The following INO80D variants were observed in gnomAD, a reference collection of about 807,000 sequenced individuals.
INO80D encodes INO80 complex subunit D.
INO80D carries 21 observed loss-of-function variants against 87.6 expected under a neutral mutation model. The observed-to-expected ratio is 0.24, with a 90% CI of 0.17 to 0.35. The LOEUF (loss-of-function observed/expected upper bound fraction) is 0.35, where lower values mean the gene tolerates loss of function less well. Ranked by LOEUF, INO80D falls within the 10% of genes least tolerant of loss-of-function variation. INO80D has a pLI of 1.00. For missense variants in INO80D, 982 were observed against 1,280.7 expected (o/e 0.77, Z 3.56); for synonymous variants, 440 against 491.0 (o/e 0.90, Z 1.37).
At position 206,002,716 on chromosome 2, in the gene INO80D, T is replaced by A. The variant is rs1314317199; in HGVS notation, c.*1652A>T. The stretch of plus-strand genomic sequence containing the variant: ...GCATAAAGAGATTACATACAGGAAG[T>A]AGGAAAATACATCCAATCACTACCT... On this transcript the variant is annotated 3_prime_UTR_variant, in exon 11 of 11. Coordinates refer to ENST00000403263, the MANE Select transcript of INO80D (RefSeq NM_017759.5). The A allele has an allele frequency of 1.3e-5, 2 of 152,130 alleles. No homozygotes were observed. Among genetic ancestry groups the A allele is most frequent in the Non-Finnish European group, 2.9e-5 (2 of 68,010 alleles). 9.4% of individuals were successfully genotyped at this position (152,130 alleles called of 1,614,324 possible).
At chr2:206,070,995 T>C (rs372012193) in intron 1 of INO80D, among the ~76,000 whole-genome samples, 3 of 151,828 alleles carry the variant, frequency 2.0e-5, no homozygotes, top group East Asian at 3.9e-4. Context: ...TTCACTCTTG[T>C]TGCCCAGGCT....
chr2:206,035,213 T>C (rs1688861368), intron 5 of INO80D, among the ~76,000 whole-genome samples: 1 of 151,760 alleles, frequency 6.6e-6, no homozygotes. Context: ...AAATACCACC[T>C]CATTCTTCAC....
chr2:206,073,866 T>G (rs1040011033), intron 1 of INO80D, among the ~76,000 whole-genome samples: 10 of 152,082 alleles, frequency 6.6e-5, no homozygotes, highest in African/African-American at 1.7e-4. Flanking sequence ...AGCACTATCT[T>G]TTTTTGTTTT....
chr2:206,078,352 G>A (rs912001345), intron 1 of INO80D, among the ~76,000 whole-genome samples: 2 of 152,124 alleles, frequency 1.3e-5, no homozygotes, highest in Admixed American at 1.3e-4. Context: ...GGGTGGTGGA[G>A]ATTGCAGTGA....
At chr2:206,016,073 C>G (rs1688311056) in intron 8 of INO80D, among the ~76,000 whole-genome samples, 3 of 152,064 alleles carry the variant, frequency 2.0e-5, no homozygotes. Flanking sequence ...TCCTCCAGAC[C>G]CCAGAATGGT....
Position 206,005,519 on chromosome 2 carries a change from G to C in INO80D, c.1933C>G (p.Leu645Val). The C allele has an allele frequency of 6.2e-7, 1 of 1,611,266 alleles. No individual in the cohort carries two copies. The highest frequency in any genetic ancestry group is 2.2e-5 in the East Asian group (1 of 44,860). Residue 645 changes from leucine to valine, a missense_variant, in exon 11 of 11, where the codon CTC becomes GTC. Transcript: ENST00000403263. Reference sequence around the variant, plus strand: ...TCAGCCTCTTCGGTAGTTGGGAGGAGGTCTCCATTCTTCCCTGAGTCAACA... The same window carrying C: ...TCAGCCTCTTCGGTAGTTGGGAGGACGTCTCCATTCTTCCCTGAGTCAACA... ...FDFFEGKNGD[L>V]LPTTEEAEEL...
chr2:206,058,335 C>T (rs993193255), intron 3 of INO80D, among the ~76,000 whole-genome samples: 1 of 149,772 alleles, frequency 6.7e-6, no homozygotes, highest in Non-Finnish European at 1.5e-5. Flanking sequence ...AGGAGAATGG[C>T]GCGAACCCCG....
chr2:206,069,216 A>C (rs1304904495), intron 1 of INO80D, among the ~76,000 whole-genome samples: 2 of 152,092 alleles, frequency 1.3e-5, no homozygotes, highest in South Asian at 2.1e-4. Context: ...CAGTAAGACC[A>C]ACCCCTTCTC....
intron 3 of INO80D, among the ~76,000 whole-genome samples, chr2:206,059,663 TAAGA>T (rs1689632266): frequency 6.6e-6 from 1 of 152,144 alleles, no homozygotes; most frequent in Admixed American, 6.5e-5. Flanking sequence ...GTAGGCCTCT[TAAGA>T]AAAAGCTTTC....
At chr2:206,084,273 A>C (rs3796049) in intron 1 of INO80D, among the ~76,000 whole-genome samples, 6,433 of 144,312 alleles carry the variant, frequency 0.045, 173 homozygotes, top group East Asian at 0.092. Flanking sequence ...ACACACACAC[A>C]CCCCAAAACC....
chr2:206,037,408 C>A (rs940761967), intron 5 of INO80D, among the ~76,000 whole-genome samples: 98 of 152,022 alleles, frequency 6.4e-4, no homozygotes, highest in African/African-American at 2.3e-3. Flanking sequence ...ACAGGAGAAT[C>A]AGAAAGAGGC....
At chr2:206,030,778 C>G (rs889191999) in intron 5 of INO80D, among the ~76,000 whole-genome samples, 2 of 152,130 alleles carry the variant, frequency 1.3e-5, no homozygotes, top group East Asian at 3.8e-4. Context: ...AACTGCTAAG[C>G]TTTGTAACTG....
intron 9 of INO80D, 92 bp downstream of exon 9, chr2:206,009,485 A>T: frequency 9.3e-7 from 1 of 1,073,548 alleles, no homozygotes; most frequent in Non-Finnish European, 1.3e-6. Flanking sequence ...TCTGTAGCCT[A>T]GTGACAACTT....
At position 205,998,668 on chromosome 2, in the gene INO80D, C is replaced by T. The variant is rs1467123253; in HGVS notation, c.*5700G>A. ...TTTAAATAAAAGTTTTAAAGCTGTG[C>T]GTGATGGGAAAGGATTCTGTATTCT... On this transcript the variant is annotated 3_prime_UTR_variant, in exon 11 of 11. Transcript: ENST00000403263. The T allele has an allele frequency of 2.6e-5, 4 of 151,944 alleles. No individual in the cohort carries two copies. The highest frequency in any genetic ancestry group is 2.1e-4 in the South Asian group (1 of 4,814). 9.4% of individuals were successfully genotyped at this position (151,944 alleles called of 1,614,324 possible).
chr2:206,080,902 C>CAAAAAAAA (rs60198558), intron 1 of INO80D, among the ~76,000 whole-genome samples: 8 of 38,042 alleles, frequency 2.1e-4, no homozygotes, highest in Admixed American at 7.2e-4. Flanking sequence ...GACTCAGTCT[C>CAAAAAAAA]AAAAAAAAAA....
At position 206,063,040 on chromosome 2, in the gene INO80D, C is replaced by T. The variant is rs1439527289; in HGVS notation, c.-24G>A. ...ATCACGTGACTCTATTCCTTGTGAA[C>T]ATCAGCTAAAAGGCCACCACAAAAA... On this transcript the variant is annotated 5_prime_UTR_variant, in exon 3 of 11. An upstream start codon of the reference 5' UTR is lost. Transcript: ENST00000403263. 6.5e-7 allele frequency: 1 copy of T among 1,541,660 alleles called. No homozygotes were observed. The highest frequency in any genetic ancestry group is 8.9e-7 in the Non-Finnish European group (1 of 1,120,226).
At chr2:206,067,841 T>C (rs952227023) in intron 1 of INO80D, among the ~76,000 whole-genome samples, 12 of 152,030 alleles carry the variant, frequency 7.9e-5, no homozygotes, top group Admixed American at 5.2e-4. Context: ...TTACAAATCA[T>C]AGAAAGAAAT....
rs1256108173 is a variant in INO80D at position 206,007,208 on chromosome 2, C to T, written c.1918+76G>A. 2.2e-5 allele frequency: 28 copies of T among 1,288,790 alleles called. No homozygotes were observed. The South Asian group carries it at 3.5e-4, about 16-fold the overall frequency. 79.8% of individuals were successfully genotyped at this position (1,288,790 alleles called of 1,614,324 possible). The stretch of plus-strand genomic sequence containing the variant: ...CATGTGAGGAGGAATATGATAAACA[C>T]ATCTCAAAACACTATTTCTTTTCTT... On this transcript the variant is annotated intron_variant, in intron 10 of 10. Transcript: ENST00000403263.
At chr2:206,076,649 T>C (rs538207115) in intron 1 of INO80D, among the ~76,000 whole-genome samples, 1 of 152,214 alleles carries the variant, frequency 6.6e-6, no homozygotes, top group Non-Finnish European at 1.5e-5. Flanking sequence ...GTATGTGCCA[T>C]ATACTGTACT....
Sources: allele counts gnomAD v4.1 joint callset (sites outside exome capture counted in the v4.1 genomes callset), GRCh38; gene constraint gnomAD v4.1.1; transcripts MANE v1.5; gene names NCBI Gene and HGNC (gene_info 2026-07-23, HGNC 2026-07-21).